Variants in DCAF10 observed in about 807,000 individuals in gnomAD.
The protein encoded by DCAF10 is DDB1- and CUL4-associated factor 10.
Under a neutral mutation model 51.9 loss-of-function variants are expected in DCAF10, and 19 were observed. That is an observed-to-expected ratio of 0.37 (90% CI 0.26 to 0.54). The LOEUF (loss-of-function observed/expected upper bound fraction) is 0.54. DCAF10 is among the 20% of genes least tolerant of loss of function. The pLI, the probability that DCAF10 is intolerant of heterozygous loss-of-function variation, is 0.87. For missense variants in DCAF10, 510 were observed against 730.6 expected (o/e 0.70, Z 3.48); for synonymous variants, 291 against 297.1 (o/e 0.98, Z 0.21).
intron 5 of DCAF10, 85 bp downstream of exon 5, chr9:37,857,436 T>C (rs922421893): frequency 8.8e-5 from 89 of 1,016,962 alleles, no homozygotes; most frequent in Non-Finnish European, 1.2e-4. Flanking sequence ...ACCAGTTTTA[T>C]GGTTTTAATC....
chr9:37,808,190 T>C (rs1477536142), intron 1 of DCAF10, among the ~76,000 whole-genome samples: 1 of 151,728 alleles, frequency 6.6e-6, no homozygotes, highest in East Asian at 1.9e-4. Flanking sequence ...TCCCAACACT[T>C]TGGGAGGCTG....
chr9:37,847,866 GA>G (rs1381728735), intron 3 of DCAF10, among the ~76,000 whole-genome samples: 1 of 152,012 alleles, frequency 6.6e-6, no homozygotes, highest in African/African-American at 2.4e-5. Flanking sequence ...ATCCAAAAAT[GA>G]ATGAAGAAAA....
intron 1 of DCAF10, among the ~76,000 whole-genome samples, chr9:37,818,843 C>T (rs1237160024): frequency 6.6e-6 from 1 of 152,258 alleles, no homozygotes; most frequent in East Asian, 1.9e-4. Flanking sequence ...AACTTCTCTA[C>T]AGTATTTCAA....
intron 1 of DCAF10, among the ~76,000 whole-genome samples, chr9:37,809,832 C>A (rs1829277102): frequency 7.0e-6 from 1 of 141,978 alleles, no homozygotes; most frequent in African/African-American, 2.6e-5. Flanking sequence ...AACTCTGTCT[C>A]AAATTAAAAA....
chr9:37,814,765 T>C (rs1349719599), intron 1 of DCAF10, among the ~76,000 whole-genome samples: 2 of 152,208 alleles, frequency 1.3e-5, no homozygotes, highest in Non-Finnish European at 1.5e-5. Context: ...GATGGTTTTA[T>C]AGACTAGCAC....
rs758090582 is a variant in DCAF10 at position 37,801,208 on chromosome 9, G to C, written c.342G>C (p.Ala114=). ...GCCGGGGCCGACACGGCCTCGGCGC[G>C]GGCCTGGGCGGCCCTGGCGCTAGGC... The part of the protein sequence containing the change: ...AKSRGRHGLG[A]GLGGPGARLF... The change falls in exon 1 of 7, where the codon GCG becomes GCC. Residue 114 remains alanine (A), a synonymous_variant. Transcript: ENST00000377724. The surrounding 1 kb of genome is among the most constrained non-coding windows in gnomAD (Gnocchi z 5.5). 1.7e-5 allele frequency: 26 copies of C among 1,555,034 alleles called. 1 individual carries two copies. Among genetic ancestry groups the C allele is most frequent in the Non-Finnish European group, 2.3e-5 (26 of 1,153,012 alleles).
chr9:37,835,878 T>C (rs1830149019), intron 2 of DCAF10, among the ~76,000 whole-genome samples: 1 of 152,246 alleles, frequency 6.6e-6, no homozygotes, highest in South Asian at 2.1e-4. Flanking sequence ...TGAAATCCTT[T>C]GGAACATCAA....
intron 2 of DCAF10, among the ~76,000 whole-genome samples, chr9:37,822,192 A>G (rs1258784531): frequency 6.6e-6 from 1 of 152,130 alleles, no homozygotes; most frequent in African/African-American, 2.4e-5. Flanking sequence ...TACAGCCGCT[A>G]TGGAAAACAG....
At chr9:37,852,943 T>TATATATATAC (rs1830716698) in intron 3 of DCAF10, among the ~76,000 whole-genome samples, 1 of 28,388 alleles carries the variant, frequency 3.5e-5, no homozygotes. Context: ...TATATATATA[T>TATATATATAC]ATATATATAT....
In DCAF10 at chr9:37,854,849, A is replaced by C; in HGVS notation, c.921A>C (p.Thr307=). 6.2e-7 allele frequency: 1 copy of C among 1,614,100 alleles called. No individual in the cohort carries two copies. The highest frequency in any genetic ancestry group is 8.5e-7 in the Non-Finnish European group (1 of 1,179,996). ...GTTTTCTCATGCGAATGAGGTTAACACCAGATTGTTCCAAAATGTTGATTT... is the reference window on the plus strand; with the variant it reads ...GTTTTCTCATGCGAATGAGGTTAACCCCAGATTGTTCCAAAATGTTGATTT... ...HTRFLMRMRL[T]PDCSKMLIST... Residue 307 remains threonine (T), a synonymous_variant, in exon 4 of 7, where the codon ACA becomes ACC. Transcript: ENST00000377724.
Position 37,851,835 on chromosome 9 carries a change from A to G in DCAF10, c.852-2945A>G, listed in dbSNP as rs1830660711. Among the ~76,000 whole-genome samples, 3 of 150,564 alleles carry G rather than the reference A, an allele frequency of 2.0e-5. No individual in the cohort carries two copies. In the South Asian group the frequency reaches 6.2e-4, roughly 31 times the overall value. On this transcript the variant is annotated intron_variant, in intron 3 of 6. Coordinates refer to ENST00000377724, the MANE Select transcript of DCAF10 (RefSeq NM_024345.5). ...AATATATATGAAAATAGATATTGAAAAGTTACCCAGAATATAATATGAAAA... is the reference window on the plus strand; with the variant it reads ...AATATATATGAAAATAGATATTGAAGAGTTACCCAGAATATAATATGAAAA...
intron 1 of DCAF10, among the ~76,000 whole-genome samples, chr9:37,806,418 G>A (rs529141385): frequency 9.2e-5 from 14 of 152,130 alleles, no homozygotes; most frequent in Admixed American, 4.6e-4. Flanking sequence ...CTCCTCACCC[G>A]TGCCTGGCAA....
At chr9:37,803,460 T>A (rs959469489) in intron 1 of DCAF10, among the ~76,000 whole-genome samples, 1 of 151,984 alleles carries the variant, frequency 6.6e-6, no homozygotes, top group Non-Finnish European at 1.5e-5. Context: ...GTTATTGTTA[T>A]GAAGATTTTT....
At chr9:37,819,489 C>A in intron 2 of DCAF10, 88 bp downstream of exon 2, 1 of 877,690 alleles carries the variant, frequency 1.1e-6, no homozygotes, top group Non-Finnish European at 1.8e-6. Flanking sequence ...ATGTTTAATG[C>A]CTTATCCAGC....
rs140894760 is a variant in DCAF10 at position 37,812,752 on chromosome 9, G to C, written c.540-6536G>C. Among the ~76,000 whole-genome samples, 260 of 152,088 alleles carry C rather than the reference G, an allele frequency of 1.7e-3. 1 individual carries two copies. Among genetic ancestry groups the C allele is most frequent in the African/African-American group, 5.6e-3 (231 of 41,478 alleles). On this transcript the variant is annotated intron_variant, in intron 1 of 6. Transcript: ENST00000377724. ...GGGCTCAAGTAATCCTCTTGCCTCTGCCTTTTGTGTAGCTGGGACCACAGG... is the reference window on the plus strand; with the variant it reads ...GGGCTCAAGTAATCCTCTTGCCTCTCCCTTTTGTGTAGCTGGGACCACAGG...
At chr9:37,837,708 A>T (rs1448359317) in intron 2 of DCAF10, among the ~76,000 whole-genome samples, 26 of 152,054 alleles carry the variant, frequency 1.7e-4, no homozygotes, top group Admixed American at 1.3e-4. Context: ...AAGCAGGTCC[A>T]TGTCTTTTGT....
chr9:37,807,906 C>G (rs560638505), intron 1 of DCAF10, among the ~76,000 whole-genome samples: 1 of 152,192 alleles, frequency 6.6e-6, no homozygotes, highest in East Asian at 1.9e-4. Context: ...AGGTGATCCA[C>G]CCACCTCAGC....
At chr9:37,809,075 A>C (rs1829249283) in intron 1 of DCAF10, among the ~76,000 whole-genome samples, 1 of 148,508 alleles carries the variant, frequency 6.7e-6, no homozygotes, top group African/African-American at 2.5e-5. Context: ...GGGTGACAGA[A>C]TGAGACTCTG....
At chr9:37,820,799 CATATA>C (rs1564030285) in intron 2 of DCAF10, among the ~76,000 whole-genome samples, 1 of 152,048 alleles carries the variant, frequency 6.6e-6, no homozygotes, top group Non-Finnish European at 1.5e-5. Context: ...TTTATAAAGA[CATATA>C]ATATTAATAT....
Sources: allele counts gnomAD v4.1 joint callset (sites outside exome capture counted in the v4.1 genomes callset), GRCh38; gene constraint gnomAD v4.1.1; non-coding constraint Gnocchi (gnomAD v3.1); transcripts MANE v1.5; gene names NCBI Gene and HGNC (gene_info 2026-07-23, HGNC 2026-07-21).